Variants in ACOT11 observed in about 807,000 individuals in gnomAD.
ACOT11 encodes acyl-coenzyme A thioesterase 11.
In ACOT11, 69 loss-of-function variants were observed where a neutral mutation model predicts 77.5. That is an observed-to-expected ratio of 0.89 (90% CI 0.73 to 1.09). The LOEUF (loss-of-function observed/expected upper bound fraction) is 1.09. Ranked by LOEUF, ACOT11 falls within the 50% of genes least tolerant of loss-of-function variation. The pLI is 0.00. For missense variants in ACOT11, 766 were observed against 813.7 expected (o/e 0.94, Z 0.71); for synonymous variants, 279 against 313.0 (o/e 0.89, Z 1.15).
intron 1 of ACOT11, among the ~76,000 whole-genome samples, chr1:54,577,647 A>G (rs759029878): frequency 1.3e-5 from 2 of 152,224 alleles, no homozygotes; most frequent in Middle Eastern, 3.4e-3. Context: ...ATGTATTTGT[A>G]CTTGTTTTAG....
At chr1:54,587,854 G>T (rs949092159) in intron 3 of ACOT11, among the ~76,000 whole-genome samples, 4 of 151,848 alleles carry the variant, frequency 2.6e-5, no homozygotes, top group Non-Finnish European at 4.4e-5. Flanking sequence ...GAGCCACCCT[G>T]CCCAGCTGCT....
At chr1:54,608,588 C>T (rs898099460) in intron 15 of ACOT11, among the ~76,000 whole-genome samples, 1 of 152,108 alleles carries the variant, frequency 6.6e-6, no homozygotes, top group Non-Finnish European at 1.5e-5. Flanking sequence ...CCCATGAGCG[C>T]CTCAGAACCA....
chr1:54,594,800 A>G, intron 6 of ACOT11, 109 bp downstream of exon 6: 1 of 1,454,298 alleles, frequency 6.9e-7, no homozygotes, highest in African/African-American at 1.4e-5. Context: ...GGGGACTTCC[A>G]CCCACTGGTG....
At chr1:54,567,505 C>T (rs985195345) in intron 1 of ACOT11, among the ~76,000 whole-genome samples, 3 of 152,036 alleles carry the variant, frequency 2.0e-5, no homozygotes, top group African/African-American at 4.8e-5. Flanking sequence ...TCTTGGACTC[C>T]GGACCTCAGG....
chr1:54,594,792 G>T, intron 6 of ACOT11, 101 bp downstream of exon 6: 1 of 1,483,896 alleles, frequency 6.7e-7, no homozygotes, highest in Non-Finnish European at 9.0e-7. Flanking sequence ...GAGGCTCCGG[G>T]GACTTCCACC....
At chr1:54,561,283 G>T (rs1325707894) in intron 1 of ACOT11, among the ~76,000 whole-genome samples, 1 of 105,702 alleles carries the variant, frequency 9.5e-6, no homozygotes, top group Non-Finnish European at 1.9e-5. Context: ...GATTACTTGA[G>T]ATTAGGGATT....
intron 1 of ACOT11, among the ~76,000 whole-genome samples, chr1:54,569,930 A>G (rs924124161): frequency 6.6e-6 from 1 of 152,216 alleles, no homozygotes; most frequent in African/African-American, 2.4e-5. Context: ...TGAATGGAGC[A>G]GGTACATGTG....
chr1:54,576,285 C>G (rs1443465216), intron 1 of ACOT11, among the ~76,000 whole-genome samples: 1 of 152,036 alleles, frequency 6.6e-6, no homozygotes, highest in Non-Finnish European at 1.5e-5. Flanking sequence ...AATCCCAGCA[C>G]TTTGGGAGGC....
At chr1:54,592,270 C>T (rs1053682885) in intron 3 of ACOT11, among the ~76,000 whole-genome samples, 2 of 152,116 alleles carry the variant, frequency 1.3e-5, no homozygotes, top group African/African-American at 4.8e-5. Flanking sequence ...GAAGCACAGG[C>T]ATTAATTGGA....
chr1:54,583,614 C>T (rs888920781), intron 1 of ACOT11, among the ~76,000 whole-genome samples: 7 of 152,170 alleles, frequency 4.6e-5, no homozygotes, highest in African/African-American at 1.4e-4. Context: ...CACAGCTGAG[C>T]TTTGTCACTT....
chr1:54,616,967 AAG>A, intron 15 of ACOT11, among the ~76,000 whole-genome samples: 1 of 143,228 alleles, frequency 7.0e-6, no homozygotes, highest in East Asian at 2.0e-4. Context: ...TGGCCTCTCA[AAG>A]TGTTGAGATT....
Position 54,597,345 on chromosome 1 carries a change from AATCACCAG to A in ACOT11, c.695_702del (p.Asn232ArgfsTer34). On this transcript the variant is annotated frameshift_variant, in exon 7 of 16. Coordinates refer to ENST00000343744, the MANE Select transcript of ACOT11 (RefSeq NM_147161.4). LOFTEE classifies it high-confidence loss of function. ...GGAGCTGGTCCTGCCTCCCCACGCC[AATCACCAG>A]GGCAACACCTTTGGGGGCCAGATCA... is the stretch of plus-strand genomic sequence containing the variant. The A allele has an allele frequency of 1.2e-6, 2 of 1,613,964 alleles. No homozygotes were observed. The highest frequency in any genetic ancestry group is 1.7e-6 in the Non-Finnish European group (2 of 1,179,996).
chr1:54,630,780 G>A (rs964228953), exon 16 of ACOT11: 10 of 766,782 alleles, frequency 1.3e-5, no homozygotes, highest in Non-Finnish European at 2.2e-5. Flanking sequence ...TCGGCAAGTG[G>A]CTTCTATTCC....
chr1:54,586,001 C>T (rs556522201), intron 3 of ACOT11, 97 bp downstream of exon 3: 1 of 1,316,102 alleles, frequency 7.6e-7, no homozygotes, highest in Admixed American at 2.0e-5. Context: ...TCTGTGCTGC[C>T]TAGAGCCTGA....
intron 15 of ACOT11, chr1:54,628,452 A>T (rs964482022): frequency 1.5e-5 from 2 of 132,708 alleles, no homozygotes; most frequent in African/African-American, 5.1e-5. Context: ...CAGCCTGGGC[A>T]ATGCAGAGGG....
intron 1 of ACOT11, among the ~76,000 whole-genome samples, chr1:54,555,376 A>G (rs1653224545): frequency 6.6e-6 from 1 of 152,102 alleles, no homozygotes; most frequent in African/African-American, 2.4e-5. Flanking sequence ...CCTGGTGGAC[A>G]TTTGTATAGC....
intron 1 of ACOT11, among the ~76,000 whole-genome samples, chr1:54,550,027 T>C (rs1405907366): frequency 6.6e-6 from 1 of 152,214 alleles, no homozygotes; most frequent in African/African-American, 2.4e-5. Flanking sequence ...ACTCATTCAG[T>C]TCTCTATGAG....
chr1:54,562,241 G>A lies in ACOT11; in HGVS notation c.33+13899G>A, dbSNP rs1466479960. Among the ~76,000 whole-genome samples the A allele has an allele frequency of 5.1e-3, 555 of 109,392 alleles. 3 individuals are homozygous for A. Among genetic ancestry groups the A allele is most frequent in the African/African-American group, 0.018 (392 of 22,286 alleles). 71.8% of individuals were successfully genotyped at this position (109,392 alleles called of 152,430 possible). On this transcript the variant is annotated intron_variant, in intron 1 of 15. Coordinates refer to ENST00000343744, the MANE Select transcript of ACOT11 (RefSeq NM_147161.4). ...GGGCTGACCCCCCCACCTCCCTCCC[G>A]GACGGGGCGGCTGGCCAGGCGGGGG...
At chr1:54,620,773 C>T (rs1034673454) in intron 15 of ACOT11, among the ~76,000 whole-genome samples, 3 of 140,694 alleles carry the variant, frequency 2.1e-5, no homozygotes, top group Non-Finnish European at 4.5e-5. Flanking sequence ...CACCTGAACC[C>T]GAGAGGTGGA....
Sources: gnomAD v4.1 joint callset for allele counts (sites outside exome capture counted in the v4.1 genomes callset) on GRCh38, gnomAD v4.1.1 for gene constraint, MANE v1.5 for transcripts, NCBI Gene and HGNC (gene_info 2026-07-23, HGNC 2026-07-21) for gene names.